ERC2: variants seen among roughly 807,000 people sequenced by gnomAD.
ERC2 encodes ERC protein 2.
Under a neutral mutation model 114.8 loss-of-function variants are expected in ERC2, and 42 were observed. The ratio of observed to expected loss-of-function variants is 0.37; its 90% CI spans 0.29 to 0.47. ERC2 has a LOEUF of 0.47. Among genes scored for constraint, ERC2 ranks in the 20% least tolerant of loss-of-function variants. The pLI, the probability that ERC2 is intolerant of heterozygous loss-of-function variation, is 0.99. For synonymous variants in ERC2, 454 were observed against 425.5 expected (o/e 1.07, Z -0.82); for missense variants, 939 against 1,150.7 (o/e 0.82, Z 2.66).
intron 17 of ERC2, among the ~76,000 whole-genome samples, chr3:55,662,804 AT>A (rs2061193448): frequency 6.6e-6 from 1 of 152,236 alleles, no homozygotes; most frequent in Non-Finnish European, 1.5e-5. Context: ...TGTTTCAGAA[AT>A]TAAGGCCGGC....
rs920983143 is a variant in ERC2 at position 56,138,051 on chromosome 3, CT to C, written c.1473+1457del. Among the ~76,000 whole-genome samples the C allele has an allele frequency of 7.9e-3, 730 of 92,648 alleles. 1 individual carries two copies. The highest frequency in any genetic ancestry group is 0.018 in the African/African-American group (463 of 25,048). 60.8% of individuals were successfully genotyped at this position (92,648 alleles called of 152,430 possible). A position where few individuals can be genotyped will look rare whatever the true frequency, so the allele number is the denominator to read the frequency against. The stretch of plus-strand genomic sequence containing the variant: ...CTATACACAACTGAAAATGGTATTT[CT>C]TTTTTTTTTTTTTTTTTTTTTTTTT... On this transcript the variant is annotated intron_variant, in intron 6 of 17. Transcript: ENST00000288221.
chr3:56,279,499 T>C (rs2150317097), intron 3 of ERC2, among the ~76,000 whole-genome samples: 1 of 152,052 alleles, frequency 6.6e-6, no homozygotes, highest in South Asian at 2.1e-4. Flanking sequence ...GCCCCAGCAG[T>C]GGGGGAGTCA....
At chr3:55,849,742 T>A (rs2061497780) in intron 14 of ERC2, among the ~76,000 whole-genome samples, 1 of 152,108 alleles carries the variant, frequency 6.6e-6, no homozygotes, top group African/African-American at 2.4e-5. Context: ...CCATCAGAGG[T>A]AACAGTGCTT....
At chr3:55,999,452 C>T (rs2071859398) in intron 10 of ERC2, among the ~76,000 whole-genome samples, 1 of 152,056 alleles carries the variant, frequency 6.6e-6, no homozygotes, top group Non-Finnish European at 1.5e-5. Flanking sequence ...TTTACTCTGA[C>T]ATAGTGTAGA....
intron 3 of ERC2, among the ~76,000 whole-genome samples, chr3:56,276,459 T>TAAAAAACAAAAAAAAAA (rs2053996099): frequency 1.2e-5 from 1 of 82,916 alleles, no homozygotes; most frequent in African/African-American, 4.3e-5. Context: ...CAAACTCAGC[T>TAAAAAACAAAAAAAAAA]AAAAAAAAAA....
intron 3 of ERC2, among the ~76,000 whole-genome samples, chr3:56,216,268 G>T (rs926890800): frequency 4.6e-5 from 7 of 152,166 alleles, no homozygotes; most frequent in Non-Finnish European, 1.0e-4. Flanking sequence ...AAGAAGAAAA[G>T]AGAGAAGATC....
intron 14 of ERC2, among the ~76,000 whole-genome samples, chr3:55,779,269 G>A (rs911205273): frequency 4.4e-4 from 65 of 147,484 alleles, no homozygotes; most frequent in Middle Eastern, 3.8e-3. Flanking sequence ...ATCACTTGAG[G>A]TCAGGAGTTC....
At position 55,823,144 on chromosome 3, in the gene ERC2, A is replaced by G. The variant is rs183057772; in HGVS notation, c.2564+65245T>C. ...ACTGGGTCCACTCAATTACATTTTAAGTCCATTGTAATTGAGCTGGCTTCA... is the reference window on the plus strand; with the variant it reads ...ACTGGGTCCACTCAATTACATTTTAGGTCCATTGTAATTGAGCTGGCTTCA... On this transcript the variant is annotated intron_variant, in intron 14 of 17. Coordinates refer to ENST00000288221, the MANE Select transcript of ERC2 (RefSeq NM_015576.3). Among the ~76,000 whole-genome samples, 855 of 152,290 alleles carry G rather than the reference A, an allele frequency of 5.6e-3. 9 individuals carry two copies. The highest frequency in any genetic ancestry group is 0.02 in the African/African-American group (819 of 41,552).
chr3:55,744,580 G>T lies in ERC2; in HGVS notation c.2565-9662C>A, dbSNP rs560644822. 3.9e-4 allele frequency among the ~76,000 whole-genome samples: 60 copies of T among 152,268 alleles called. 1 individual carries two copies. The Middle Eastern group carries it at 0.031, about 78-fold the overall frequency. ...GGCTCTGATTGGTTGCTTTCAGACC[G>T]ATTGCGGGCCACCGCTTCATTTACA... On this transcript the variant is annotated intron_variant, in intron 14 of 17. Transcript: ENST00000288221.
intron 17 of ERC2, among the ~76,000 whole-genome samples, chr3:55,673,469 G>C (rs191209824): frequency 6.6e-6 from 1 of 152,174 alleles, no homozygotes; most frequent in African/African-American, 2.4e-5. Flanking sequence ...TGTACTCCCA[G>C]CTACTCGGGA....
chr3:56,134,511 C>A (rs1337008655), intron 6 of ERC2, among the ~76,000 whole-genome samples: 1 of 151,992 alleles, frequency 6.6e-6, no homozygotes, highest in Non-Finnish European at 1.5e-5. Context: ...TATAAACTAC[C>A]TGAAATTATA....
chr3:55,833,231 A>G (rs1263842875), intron 14 of ERC2, among the ~76,000 whole-genome samples: 1 of 150,586 alleles, frequency 6.6e-6, no homozygotes, highest in African/African-American at 2.5e-5. Flanking sequence ...AAGGCAGACC[A>G]ACATTCAGAT....
chr3:56,195,239 T>C (rs533830765), intron 3 of ERC2, among the ~76,000 whole-genome samples: 3 of 152,130 alleles, frequency 2.0e-5, no homozygotes, highest in African/African-American at 7.2e-5. Context: ...GAAGGTGGCA[T>C]AGACAGCATG....
chr3:56,352,471 G>T (rs933984914), intron 2 of ERC2, among the ~76,000 whole-genome samples: 1 of 152,156 alleles, frequency 6.6e-6, no homozygotes, highest in Non-Finnish European at 1.5e-5. Context: ...ACAAGATTGC[G>T]GGGAGGTGGC....
intron 17 of ERC2, among the ~76,000 whole-genome samples, chr3:55,582,405 TCTC>T (rs1324526536): frequency 1.2e-4 from 19 of 152,168 alleles, no homozygotes; most frequent in African/African-American, 4.3e-4. Context: ...ACCGACCTGC[TCTC>T]CTCCTCAAAC....
intron 14 of ERC2, among the ~76,000 whole-genome samples, chr3:55,854,484 A>T (rs1424715478): frequency 1.6e-4 from 24 of 152,240 alleles, no homozygotes; most frequent in Admixed American, 1.6e-3. Context: ...GGCTGAGAGC[A>T]CAGGAGCAGC....
At chr3:55,901,893 G>C (rs1367762597) in intron 13 of ERC2, among the ~76,000 whole-genome samples, 1 of 152,202 alleles carries the variant, frequency 6.6e-6, no homozygotes, top group African/African-American at 2.4e-5. Context: ...AGCAACATTC[G>C]AATCAGTGAC....
At chr3:55,957,540 T>C (rs996708643) in intron 12 of ERC2, among the ~76,000 whole-genome samples, 1 of 152,148 alleles carries the variant, frequency 6.6e-6, no homozygotes, top group African/African-American at 2.4e-5. Flanking sequence ...CCTGCTTGGG[T>C]TTTGCTTGAG....
chr3:55,956,210 A>G (rs1389494523), intron 12 of ERC2, among the ~76,000 whole-genome samples: 1 of 152,206 alleles, frequency 6.6e-6, no homozygotes, highest in Non-Finnish European at 1.5e-5. Flanking sequence ...TTTATGTCAC[A>G]CATTTAGCTC....
Sources: allele counts gnomAD v4.1 joint callset (sites outside exome capture counted in the v4.1 genomes callset), GRCh38; gene constraint gnomAD v4.1.1; transcripts MANE v1.5; gene names NCBI Gene and HGNC (gene_info 2026-07-23, HGNC 2026-07-21).